NOD1: variants seen among roughly 807,000 people sequenced by gnomAD.
NOD1 encodes the protein nucleotide-binding oligomerization domain-containing protein 1.
A neutral mutation model predicts 81.2 loss-of-function variants in NOD1; 70 were observed. That is an observed-to-expected ratio of 0.86 (90% CI 0.71 to 1.05). NOD1 has a LOEUF of 1.05. NOD1 is among the 50% of genes least tolerant of loss of function. The pLI is 0.00. For synonymous variants in NOD1, 508 were observed against 526.9 expected (o/e 0.96, Z 0.49); for missense variants, 1,233 against 1,228.0 (o/e 1.00, Z -0.06).
At chr7:30,436,831 C>T (rs951348523) in intron 10 of NOD1, among the ~76,000 whole-genome samples, 2 of 152,154 alleles carry the variant, frequency 1.3e-5, no homozygotes, top group Non-Finnish European at 2.9e-5. Flanking sequence ...CCTCAGGGAT[C>T]TAGAACCAGA....
chr7:30,431,800 T>C (rs1049895197), intron 12 of NOD1, among the ~76,000 whole-genome samples: 1 of 152,184 alleles, frequency 6.6e-6, no homozygotes, highest in Non-Finnish European at 1.5e-5. Context: ...TAAATTGGAC[T>C]TCATCAAAAT....
At chr7:30,429,248 A>T (rs1783730371) in intron 13 of NOD1, 126 bp downstream of exon 13, 1 of 814,648 alleles carries the variant, frequency 1.2e-6, no homozygotes, top group Non-Finnish European at 2.1e-6. Context: ...AACAGAGGTA[A>T]TACCATTACT....
chr7:30,431,645 CA>C (rs1479143116), intron 12 of NOD1, among the ~76,000 whole-genome samples: 4 of 152,154 alleles, frequency 2.6e-5, no homozygotes, highest in Non-Finnish European at 4.4e-5. Context: ...AAAATTAACT[CA>C]AAATGGATTG....
At chr7:30,441,236 G>T (rs1258985359) in intron 9 of NOD1, among the ~76,000 whole-genome samples, 5 of 48,252 alleles carry the variant, frequency 1.0e-4, no homozygotes, top group Admixed American at 5.6e-4. Context: ...ATAATGACAG[G>T]ATCAAATTCA....
chr7:30,434,451 A>G (rs554248159), intron 11 of NOD1, among the ~76,000 whole-genome samples: 31 of 152,346 alleles, frequency 2.0e-4, no homozygotes, highest in Admixed American at 6.5e-4. Context: ...CAGCCCTACC[A>G]TAATAAAGAA....
At chr7:30,454,461 C>T (rs1296569529) in intron 5 of NOD1, among the ~76,000 whole-genome samples, 1 of 152,232 alleles carries the variant, frequency 6.6e-6, no homozygotes, top group Non-Finnish European at 1.5e-5. Context: ...ACCACTGTCT[C>T]CCTGACATCC....
rs974478708 is a variant in NOD1, at chr7:30,448,168, T to A, written c.2285+130A>T. The A allele has an allele frequency of 1.9e-5, 14 of 747,092 alleles. No homozygotes were observed. The African/African-American group carries it at 2.5e-4, about 13-fold the overall frequency. The allele number at this position is 747,092 out of a possible 1,614,324, so 46.3% of individuals were successfully genotyped here. ...ACAAAGAGAACCCAGGACTCTCAACTCCTGGGCCAGCGCTCTTCCCAGCCC... is the reference window on the plus strand; with the variant it reads ...ACAAAGAGAACCCAGGACTCTCAACACCTGGGCCAGCGCTCTTCCCAGCCC... On this transcript the variant is annotated intron_variant, in intron 7 of 13. Coordinates refer to ENST00000222823, the MANE Select transcript of NOD1 (RefSeq NM_006092.4).
chr7:30,471,552 G>A (rs1788275180), intron 1 of NOD1, among the ~76,000 whole-genome samples: 1 of 150,478 alleles, frequency 6.6e-6, no homozygotes, highest in Non-Finnish European at 1.5e-5. Flanking sequence ...CAAACCCTGG[G>A]TCTCTCAAGT....
chr7:30,451,590 G>A lies in NOD1; in HGVS notation c.1827C>T (p.Pro609=), dbSNP rs760457721. Residue 609 remains proline, a synonymous_variant, in exon 6 of 14, where the codon CCC becomes CCT. Coordinates refer to ENST00000222823, the MANE Select transcript of NOD1 (RefSeq NM_006092.4). This position sits in a 1 kb window ranked among gnomAD's most constrained non-coding sequence, Gnocchi z 4.2. Reference sequence around the variant, plus strand: ...TGCGCTTTCTCCTCAGGGCTGCCGCGGGCACCAGATGCCGCAGGAGTTTCT... The same window carrying A: ...TGCGCTTTCTCCTCAGGGCTGCCGCAGGCACCAGATGCCGCAGGAGTTTCT... ...AKQKLLRHLV[P]AAALRRKRKA... is the part of the protein sequence containing the mutation. 1.1e-5 allele frequency: 17 copies of A among 1,613,596 alleles called. No homozygotes were observed. Among genetic ancestry groups the A allele is most frequent in the South Asian group, 7.7e-5 (7 of 91,084 alleles).
chr7:30,472,228 G>A (rs540110267), intron 1 of NOD1, among the ~76,000 whole-genome samples: 1 of 152,328 alleles, frequency 6.6e-6, no homozygotes, highest in East Asian at 1.9e-4. Context: ...TACTTGGCCT[G>A]AGTGTGTCTC....
In NOD1 at chr7:30,431,524, T is replaced by C. The variant is rs56168419; in HGVS notation, c.2705+1572A>G. 8.0e-3 allele frequency among the ~76,000 whole-genome samples: 1,217 copies of C among 152,290 alleles called. 20 individuals are homozygous for C. The highest frequency in any genetic ancestry group is 0.027 in the African/African-American group (1,139 of 41,566). On this transcript the variant is annotated intron_variant, in intron 12 of 13. Coordinates refer to ENST00000222823, the MANE Select transcript of NOD1 (RefSeq NM_006092.4). ...ATGGTCAATTGATTTTTGACAAGGG[T>C]GTCAAGGCCATTCAATAGGAAAAGA...
At position 30,437,576 on chromosome 7, in the gene NOD1, A is replaced by G; in HGVS notation, c.2534T>C (p.Leu845Pro). 1 of 1,504,260 alleles carries G rather than the reference A, an allele frequency of 6.6e-7. No homozygotes were observed. The highest frequency in any genetic ancestry group is 8.8e-7 in the Non-Finnish European group (1 of 1,138,750). 93.2% of individuals were successfully genotyped at this position (1,504,260 alleles called of 1,614,324 possible). A position where few individuals can be genotyped will look rare whatever the true frequency, so the allele number is the denominator to read the frequency against. Residue 845 changes from leucine to proline, a missense_variant, in exon 10 of 14, where the codon CTG (leucine) becomes CCG (proline). Leu to Pro is a moderately conservative substitution (Grantham distance 98). Transcript: ENST00000222823. ...GAGACAGCAGGGCCACAGTTACCTC[A>G]GGGTGGTCAAGCTGGGGTGGTTCCG... The part of the protein sequence containing the change: ...ALRNHPSLTT[L>P]SLASNGISTE...
intron 1 of NOD1, among the ~76,000 whole-genome samples, chr7:30,462,028 G>A (rs926023388): frequency 5.3e-5 from 8 of 152,146 alleles, no homozygotes; most frequent in South Asian, 2.1e-4. Context: ...GTGAGCCACC[G>A]TGCCTGGCCA....
At chr7:30,446,526 T>G (rs547581133) in intron 8 of NOD1, 1 of 439,898 alleles carries the variant, frequency 2.3e-6, no homozygotes, top group African/African-American at 2.0e-5. Context: ...TCGGGAGACC[T>G]GGGAGGTCCC....
At chr7:30,471,594 G>A (rs1788280594) in intron 1 of NOD1, among the ~76,000 whole-genome samples, 2 of 152,326 alleles carry the variant, frequency 1.3e-5, no homozygotes, top group African/African-American at 4.8e-5. Flanking sequence ...ATTTTCAAAG[G>A]TGAACAGAGC....
At chr7:30,449,189 G>C (rs1785426667) in intron 6 of NOD1, among the ~76,000 whole-genome samples, 1 of 152,190 alleles carries the variant, frequency 6.6e-6, no homozygotes, top group African/African-American at 2.4e-5. Flanking sequence ...ACAATTAAAA[G>C]CTTGATTTTT....
chr7:30,471,228 G>A, intron 1 of NOD1, among the ~76,000 whole-genome samples: 1 of 152,188 alleles, frequency 6.6e-6, no homozygotes, highest in Non-Finnish European at 1.5e-5. Flanking sequence ...GCATTAAGAG[G>A]TTGAGAAGAT....
intron 10 of NOD1, among the ~76,000 whole-genome samples, chr7:30,436,534 A>T (rs1301358325): frequency 1.3e-5 from 2 of 152,108 alleles, no homozygotes; most frequent in African/African-American, 4.8e-5. Context: ...CAAGGTCCCA[A>T]GATTTGGCCA....
chr7:30,445,392 G>A (rs1196494698), intron 9 of NOD1, among the ~76,000 whole-genome samples: 1 of 151,502 alleles, frequency 6.6e-6, no homozygotes, highest in Non-Finnish European at 1.5e-5. Flanking sequence ...GCAAGCCAGT[G>A]TCTGTTCTTG....
Sources: allele counts gnomAD v4.1 joint callset (sites outside exome capture counted in the v4.1 genomes callset), GRCh38; gene constraint gnomAD v4.1.1; non-coding constraint Gnocchi (gnomAD v3.1); transcripts MANE v1.5; gene names NCBI Gene and HGNC (gene_info 2026-07-23, HGNC 2026-07-21).